RIPOR3: variants seen among roughly 807,000 people sequenced by gnomAD.
The protein encoded by RIPOR3 is RIPOR family member 3, also known as family with sequence similarity 65 member C.
In RIPOR3, 95 loss-of-function variants were observed where a neutral mutation model predicts 114.3. That is an observed-to-expected ratio of 0.83 (90% CI 0.70 to 0.99). The LOEUF (loss-of-function observed/expected upper bound fraction) is 0.99, where lower values mean the gene tolerates loss of function less well. Among genes scored for constraint, RIPOR3 ranks in the 50% least tolerant of loss-of-function variants. The probability of loss-of-function intolerance (pLI) is 0.00; values close to 1 mark genes in which losing one functional copy is unlikely to be tolerated. For synonymous variants in RIPOR3, 575 were observed against 543.8 expected (o/e 1.06, Z -0.80); for missense variants, 1,252 against 1,266.9 (o/e 0.99, Z 0.18).
At chr20:50,613,225 A>G (rs1260847767) in intron 4 of RIPOR3, among the ~76,000 whole-genome samples, 3 of 152,174 alleles carry the variant, frequency 2.0e-5, no homozygotes, top group Non-Finnish European at 4.4e-5. Context: ...AGGTGAGTGG[A>G]TCACCTGAGG....
intron 1 of RIPOR3, among the ~76,000 whole-genome samples, chr20:50,649,410 A>C (rs749714211): frequency 6.6e-6 from 1 of 152,102 alleles, no homozygotes; most frequent in Non-Finnish European, 1.5e-5. Flanking sequence ...ATGCCATTGC[A>C]CTCCAACCTG....
intron 2 of RIPOR3, among the ~76,000 whole-genome samples, chr20:50,623,957 C>T (rs1162203141): frequency 6.6e-6 from 1 of 152,212 alleles, no homozygotes; most frequent in Non-Finnish European, 1.5e-5. Flanking sequence ...CTGCCTCAGC[C>T]TACCCAGTAG....
chr20:50,646,671 C>T (rs1422234139), intron 1 of RIPOR3, among the ~76,000 whole-genome samples: 1 of 152,164 alleles, frequency 6.6e-6, no homozygotes, highest in East Asian at 1.9e-4. Flanking sequence ...TCCTGATGCT[C>T]AGAGTGGAGT....
chr20:50,654,632 T>C (rs2085744110), intron 1 of RIPOR3, among the ~76,000 whole-genome samples: 1 of 152,108 alleles, frequency 6.6e-6, no homozygotes, highest in Non-Finnish European at 1.5e-5. Context: ...AATGAATCTG[T>C]ATCTCCAGTG....
At chr20:50,677,367 CT>C (rs34725648) in intron 1 of RIPOR3, among the ~76,000 whole-genome samples, 6,452 of 96,682 alleles carry the variant, frequency 0.067, 190 homozygotes, top group South Asian at 0.13. Flanking sequence ...TCTTGTTTTA[CT>C]TTTTTTTTTT....
chr20:50,655,689 G>A (rs187622760), intron 1 of RIPOR3, among the ~76,000 whole-genome samples: 107 of 152,066 alleles, frequency 7.0e-4, no homozygotes, highest in African/African-American at 2.5e-3. Context: ...GTGTGTGTGT[G>A]TGTGTGTGTG....
chr20:50,636,939 G>A (rs914457), intron 1 of RIPOR3: 148,626 of 982,286 alleles, frequency 0.15, 15,924 homozygotes, highest in African/African-American at 0.53. Context: ...CTCACTTAGG[G>A]CTCCTTTTTA....
At chr20:50,616,561 T>C (rs1282347339) in intron 3 of RIPOR3, among the ~76,000 whole-genome samples, 1 of 152,152 alleles carries the variant, frequency 6.6e-6, no homozygotes, top group Non-Finnish European at 1.5e-5. Flanking sequence ...CAGGCTGGTC[T>C]CGAACTCCTT....
intron 1 of RIPOR3, among the ~76,000 whole-genome samples, chr20:50,679,713 G>A (rs1174212004): frequency 2.7e-5 from 4 of 150,780 alleles, no homozygotes; most frequent in Non-Finnish European, 5.9e-5. Context: ...AGGTTGCAGT[G>A]AGCCGAGATC....
intron 1 of RIPOR3, among the ~76,000 whole-genome samples, chr20:50,641,610 G>A (rs1600661453): frequency 6.6e-6 from 1 of 152,140 alleles, no homozygotes; most frequent in South Asian, 2.1e-4. Flanking sequence ...GTCATAGCAC[G>A]GCCCTGCCCT....
rs1486932474 is a variant in RIPOR3 at position 50,594,708 on chromosome 20, G to A, written c.2057C>T (p.Pro686Leu). The A allele has an allele frequency of 1.9e-6, 3 of 1,608,926 alleles. No individual in the cohort carries two copies. The highest frequency in any genetic ancestry group is 2.7e-5 in the African/African-American group (2 of 74,812). The stretch of plus-strand genomic sequence containing the variant: ...GCACCCCTTCGTCCGCGAGGCCTGT[G>A]GGATGACTGAAAGCCCCAGTTCAGA... ...GKATSIEEIIPQASRTKGCLK... is the reference protein window; with the variant it reads ...GKATSIEEIILQASRTKGCLK... Residue 686 changes from proline (P) to leucine (L), a missense_variant, in exon 17 of 22, where the codon CCA (proline) becomes CTA (leucine). Physicochemically the swap from Pro to Leu is moderately conservative, Grantham distance 98. Transcript: ENST00000327979.
chr20:50,609,831 G>C, intron 6 of RIPOR3, 109 bp from the exon 7 acceptor site: 1 of 1,238,702 alleles, frequency 8.1e-7, no homozygotes, highest in East Asian at 3.0e-5. Context: ...TAAGCACCCC[G>C]CTAGCCCAGC....
At chr20:50,601,051 G>A (rs1260042095) in intron 13 of RIPOR3, among the ~76,000 whole-genome samples, 1 of 152,182 alleles carries the variant, frequency 6.6e-6, no homozygotes, top group East Asian at 1.9e-4. Context: ...TCAGAGAAGT[G>A]CACAGCCAGT....
At chr20:50,649,144 A>G (rs975060828) in intron 1 of RIPOR3, among the ~76,000 whole-genome samples, 1 of 152,116 alleles carries the variant, frequency 6.6e-6, no homozygotes, top group Non-Finnish European at 1.5e-5. Context: ...TTATAAGGAT[A>G]TGACGGTATT....
chr20:50,660,294 T>G (rs555315657), intron 1 of RIPOR3: 2 of 152,324 alleles, frequency 1.3e-5, no homozygotes, highest in South Asian at 4.1e-4. Context: ...TTATTTCATT[T>G]TATAGCTCTG....
chr20:50,687,197 A>G (rs768983125), intron 1 of RIPOR3, among the ~76,000 whole-genome samples: 1 of 152,238 alleles, frequency 6.6e-6, no homozygotes, highest in Non-Finnish European at 1.5e-5. Flanking sequence ...GACACAGTGG[A>G]CGCAATGGAG....
rs2083641635 is a variant in RIPOR3, at chr20:50,604,752, G to A, written c.979C>T (p.Leu327=). 4 of 1,608,468 alleles carry A rather than the reference G, an allele frequency of 2.5e-6. No homozygotes were observed. Among genetic ancestry groups the A allele is most frequent in the Non-Finnish European group, 1.7e-6 (2 of 1,178,032 alleles). ...QWNPFDTESF[L]VSPSPTGKFS... ...TTGCCCGTGGGGCTGGGTGACACCA[G>A]GAAGCTCTCAGTATCAAACGGGCTG... is the stretch of plus-strand genomic sequence containing the variant. Residue 327 remains leucine, a synonymous_variant, in exon 12 of 22, where the codon CTG becomes TTG. Transcript: ENST00000327979.
chr20:50,678,683 G>A (rs2086755033), intron 1 of RIPOR3, among the ~76,000 whole-genome samples: 1 of 152,178 alleles, frequency 6.6e-6, no homozygotes, highest in Non-Finnish European at 1.5e-5. Flanking sequence ...CAAGTGTCAA[G>A]GGAGGAAGAG....
At position 50,590,417 on chromosome 20, in the gene RIPOR3, C is replaced by T. The variant is rs117179499; in HGVS notation, c.2578-648G>A. Among the ~76,000 whole-genome samples the T allele has an allele frequency of 6.0e-4, 91 of 152,370 alleles. 1 individual carries two copies. In the East Asian group the frequency reaches 0.016, roughly 27 times the overall value. ...AGGGAAACCCAGGAGTGGGTTTGCC[C>T]TCACTCAGTCGAGTGGCTGCACCTT... On this transcript the variant is annotated intron_variant, in intron 19 of 21. Coordinates refer to ENST00000327979, the MANE Select transcript of RIPOR3 (RefSeq NM_001290268.2).
Sources: allele counts gnomAD v4.1 joint callset (sites outside exome capture counted in the v4.1 genomes callset), GRCh38; gene constraint gnomAD v4.1.1; transcripts MANE v1.5; gene names NCBI Gene and HGNC (gene_info 2026-07-23, HGNC 2026-07-21).